POU2F3: variants seen among roughly 807,000 people sequenced by gnomAD.
POU2F3 encodes the protein POU class 2 homeobox 3.
In POU2F3, 23 loss-of-function variants were observed where a neutral mutation model predicts 59.2. The observed-to-expected ratio is 0.39, with a 90% CI of 0.28 to 0.55. The LOEUF (loss-of-function observed/expected upper bound fraction) is 0.55. Ranked by LOEUF, POU2F3 falls within the 20% of genes least tolerant of loss-of-function variation. The pLI is 0.66. For synonymous variants in POU2F3, 190 were observed against 214.6 expected, an observed-to-expected ratio of 0.89 and a Z score of 1.00; for missense variants, 473 against 544.5, an observed-to-expected ratio of 0.87 and a Z score of 1.31.
intron 3 of POU2F3, among the ~76,000 whole-genome samples, chr11:120,291,384 C>G (rs1941013918): frequency 6.6e-6 from 1 of 152,226 alleles, no homozygotes. Context: ...GACTGTAGCT[C>G]TAGCTGTGTT....
intron 6 of POU2F3, among the ~76,000 whole-genome samples, chr11:120,304,612 C>CA (rs1941432688): frequency 6.7e-6 from 1 of 149,834 alleles, no homozygotes; most frequent in African/African-American, 2.4e-5. Context: ...TGGAAAAAAA[C>CA]AAAAAACAAA....
intron 6 of POU2F3, 46 bp from the exon 7 acceptor site, chr11:120,304,984 A>AAAAATT: frequency 1.2e-6 from 1 of 863,044 alleles, no homozygotes; most frequent in Non-Finnish European, 1.7e-6. Flanking sequence ...AGAAAATGTT[A>AAAAATT]TTTATTGATC....
intron 10 of POU2F3, among the ~76,000 whole-genome samples, chr11:120,313,501 A>T (rs1941707871): frequency 6.6e-6 from 1 of 152,260 alleles, no homozygotes; most frequent in African/African-American, 2.4e-5. Flanking sequence ...TCTCATTGAG[A>T]CAGTCCCTTG....
chr11:120,249,752 TC>T (rs1217663189), intron 2 of POU2F3: 3 of 152,132 alleles, frequency 2.0e-5, no homozygotes, highest in Non-Finnish European at 4.4e-5. Flanking sequence ...CAGAGCCTCC[TC>T]CCACAGCAGG....
At chr11:120,259,256 G>A (rs1019465829) in intron 2 of POU2F3, 2 of 152,198 alleles carry the variant, frequency 1.3e-5, no homozygotes, top group African/African-American at 2.4e-5. Context: ...AGAGGTATGA[G>A]CTTTAAACCA....
chr11:120,288,127 C>CAAAAAAAAAAAAAAAAAA (rs1491240764), intron 3 of POU2F3, among the ~76,000 whole-genome samples: 1 of 7,628 alleles, frequency 1.3e-4, no homozygotes, highest in African/African-American at 3.4e-4. Flanking sequence ...AACAAAAAAA[C>CAAAAAAAAAAAAAAAAAA]CAAAAAAAAA....
intron 3 of POU2F3, among the ~76,000 whole-genome samples, chr11:120,287,399 G>A (rs1472073170): frequency 6.6e-6 from 1 of 152,238 alleles, no homozygotes; most frequent in African/African-American, 2.4e-5. Flanking sequence ...TAGTAAGCAA[G>A]ATAGGTCTGT....
In POU2F3 at chr11:120,240,291, G is replaced by T. The variant is rs1938604635; in HGVS notation, c.-53G>T. On this transcript the variant is annotated 5_prime_UTR_variant, in exon 1 of 13. Coordinates refer to ENST00000543440, the MANE Select transcript of POU2F3 (RefSeq NM_014352.4). ...CTGGCTTCGCAGGGGCCCCGGCTGGGGCAGAGGCGAGGGGCCTGGGGGGGC... is the reference window on the plus strand; with the variant it reads ...CTGGCTTCGCAGGGGCCCCGGCTGGTGCAGAGGCGAGGGGCCTGGGGGGGC... The T allele has an allele frequency of 7.7e-7, 1 of 1,302,900 alleles. No individual in the cohort carries two copies. Among genetic ancestry groups the T allele is most frequent in the Non-Finnish European group, 9.8e-7 (1 of 1,017,034 alleles). 80.7% of individuals were successfully genotyped at this position (1,302,900 alleles called of 1,614,324 possible). A position where few individuals can be genotyped will look rare whatever the true frequency, so the allele number is the denominator to read the frequency against.
intron 3 of POU2F3, among the ~76,000 whole-genome samples, chr11:120,287,360 G>A (rs756177255): frequency 2.6e-5 from 4 of 152,156 alleles, no homozygotes; most frequent in Non-Finnish European, 2.9e-5. Flanking sequence ...ACTAAGTGAT[G>A]GACATTATGC....
rs1027788593 is a variant in POU2F3, at chr11:120,318,504, A to T, written c.*112A>T. On this transcript the variant is annotated 3_prime_UTR_variant, in exon 13 of 13. Coordinates refer to ENST00000543440, the MANE Select transcript of POU2F3 (RefSeq NM_014352.4). ...TTCAGAAGAGTGGAAGAAAATCTCC[A>T]CTATCAATGAACCCAGACTCTTGTC... The T allele has an allele frequency of 9.1e-7, 1 of 1,098,562 alleles. No homozygotes were observed. Among genetic ancestry groups the T allele is most frequent in the South Asian group, 1.3e-5 (1 of 74,868 alleles). 68.1% of individuals were successfully genotyped at this position (1,098,562 alleles called of 1,614,324 possible).
upstream of POU2F3, among the ~76,000 whole-genome samples, chr11:120,238,675 AAC>A (rs752654416): frequency 3.8e-4 from 58 of 151,944 alleles, 1 homozygote; most frequent in Admixed American, 1.0e-3. Context: ...CTCTCCTAAA[AAC>A]ACAAAAATTA....
intron 3 of POU2F3, among the ~76,000 whole-genome samples, chr11:120,273,220 G>C (rs981539103): frequency 3.9e-5 from 6 of 152,214 alleles, no homozygotes; most frequent in African/African-American, 1.4e-4. Context: ...GGACCCAGTA[G>C]GCTGGATCTA....
chr11:120,263,297 T>TG (rs1939685331), intron 2 of POU2F3, among the ~76,000 whole-genome samples: 1 of 152,166 alleles, frequency 6.6e-6, no homozygotes, highest in Non-Finnish European at 1.5e-5. Context: ...GCCTACCATC[T>TG]TAACCATTTC....
intron 3 of POU2F3, among the ~76,000 whole-genome samples, chr11:120,277,557 C>G (rs915850630): frequency 6.6e-6 from 1 of 152,064 alleles, no homozygotes; most frequent in Non-Finnish European, 1.5e-5. Context: ...AGGTGGGTCA[C>G]CTGAGGTCAG....
intron 2 of POU2F3, chr11:120,261,386 C>G (rs1391457168): frequency 6.6e-6 from 1 of 152,212 alleles, no homozygotes; most frequent in African/African-American, 2.4e-5. Context: ...TGCATTCCCT[C>G]CCAGCCTTAT....
chr11:120,305,629 G>C lies in POU2F3; in HGVS notation c.628-15G>C. 1 of 1,612,932 alleles carries C rather than the reference G, an allele frequency of 6.2e-7. No homozygotes were observed. The highest frequency in any genetic ancestry group is 1.8e-4 in the Middle Eastern group (1 of 5,666). ...GCTGCCTCTCATGTTCCTCCCCCTC[G>C]GTCCCCACGCTTAGGGAGATGTGGG... On this transcript the variant is annotated splice_polypyrimidine_tract_variant and intron_variant, in intron 7 of 12. Coordinates refer to ENST00000543440, the MANE Select transcript of POU2F3 (RefSeq NM_014352.4).
In POU2F3 at chr11:120,285,218, G is replaced by A. The variant is rs1265827699; in HGVS notation, c.133-13047G>A. ...GCCTAAGAAAGAGTGATTCCAGTACGACCTATGCCTCATATACCAATTCTG... is the reference window on the plus strand; with the variant it reads ...GCCTAAGAAAGAGTGATTCCAGTACAACCTATGCCTCATATACCAATTCTG... On this transcript the variant is annotated intron_variant, in intron 3 of 12. Coordinates refer to ENST00000543440, the MANE Select transcript of POU2F3 (RefSeq NM_014352.4). This position sits in a 1 kb window ranked among gnomAD's most constrained non-coding sequence, Gnocchi z 4.3. Among the ~76,000 whole-genome samples, 6 of 152,106 alleles carry A rather than the reference G, an allele frequency of 3.9e-5. No individual in the cohort carries two copies. Among genetic ancestry groups the A allele is most frequent in the African/African-American group, 1.2e-4 (5 of 41,406 alleles).
intron 3 of POU2F3, among the ~76,000 whole-genome samples, chr11:120,269,538 T>A (rs958643186): frequency 7.9e-5 from 12 of 152,196 alleles, no homozygotes; most frequent in African/African-American, 2.9e-4. Flanking sequence ...TTCCTGTCAA[T>A]GCTTAGCCTG....
At chr11:120,281,057 C>T (rs1049966411) in intron 3 of POU2F3, among the ~76,000 whole-genome samples, 3 of 152,156 alleles carry the variant, frequency 2.0e-5, no homozygotes, top group Non-Finnish European at 2.9e-5. Context: ...ACCAGAGAGT[C>T]GTCTTCTCCC....
Sources: gnomAD v4.1 joint callset for allele counts (sites outside exome capture counted in the v4.1 genomes callset) on GRCh38, gnomAD v4.1.1 for gene constraint, Gnocchi (gnomAD v3.1) non-coding constraint, MANE v1.5 for transcripts, NCBI Gene and HGNC (gene_info 2026-07-23, HGNC 2026-07-21) for gene names.